Variants in ZCWPW2 observed in about 807,000 individuals in gnomAD.
ZCWPW2 encodes the protein zinc finger CW-type PWWP domain protein 2.
Under a neutral mutation model 46.6 loss-of-function variants are expected in ZCWPW2, and 45 were observed. That is an observed-to-expected ratio of 0.96 (90% CI 0.76 to 1.24). The LOEUF (loss-of-function observed/expected upper bound fraction) is 1.24. Among genes scored for constraint, ZCWPW2 ranks in the 50% most tolerant of loss-of-function variants. ZCWPW2 has a pLI of 0.00. For missense variants in ZCWPW2, 429 were observed against 403.9 expected (o/e 1.06, Z -0.53); for synonymous variants, 152 against 137.1 (o/e 1.11, Z -0.76).
At chr3:28,467,903 AATG>A (rs1287424412) in intron 4 of ZCWPW2, among the ~76,000 whole-genome samples, 1 of 152,156 alleles carries the variant, frequency 6.6e-6, no homozygotes, top group African/African-American at 2.4e-5. Context: ...CTAACTCTTT[AATG>A]CCCAGACACT....
chr3:28,387,847 A>G (rs1336001068), intron 1 of ZCWPW2, among the ~76,000 whole-genome samples: 1 of 152,302 alleles, frequency 6.6e-6, no homozygotes, highest in South Asian at 2.1e-4. Context: ...AGAGTGTGCA[A>G]TAAAGAAGGA....
chr3:28,470,380 C>T (rs1481089198), intron 4 of ZCWPW2, among the ~76,000 whole-genome samples: 2 of 151,606 alleles, frequency 1.3e-5, no homozygotes, highest in Non-Finnish European at 2.9e-5. Flanking sequence ...GCCGGTAATC[C>T]CAGCTATTCG....
At chr3:28,384,366 A>T (rs998572246) in intron 1 of ZCWPW2, among the ~76,000 whole-genome samples, 3 of 152,112 alleles carry the variant, frequency 2.0e-5, no homozygotes, top group Non-Finnish European at 4.4e-5. Flanking sequence ...TTACTAGAAA[A>T]TTTTTTAAAA....
chr3:28,453,549 G>C (rs1490245809), intron 4 of ZCWPW2, among the ~76,000 whole-genome samples: 1 of 151,938 alleles, frequency 6.6e-6, no homozygotes, highest in Non-Finnish European at 1.5e-5. Context: ...TTTTCTAAAA[G>C]TGCTTATTTT....
intron 2 of ZCWPW2, among the ~76,000 whole-genome samples, chr3:28,407,708 A>G (rs1022337390): frequency 6.6e-6 from 1 of 152,192 alleles, no homozygotes; most frequent in South Asian, 2.1e-4. Context: ...TTAAAATTTA[A>G]TATTTTGTTT....
In ZCWPW2 at chr3:28,504,389, T is replaced by A. The variant is rs570420831; in HGVS notation, c.658-9675T>A. Among the ~76,000 whole-genome samples the A allele has an allele frequency of 4.6e-5, 7 of 151,780 alleles. No homozygotes were observed. The South Asian group carries it at 1.5e-3, about 31-fold the overall frequency. On this transcript the variant is annotated intron_variant, in intron 6 of 9. Transcript: ENST00000383768. ...TGTCTATTCCTATGTATGAGAGAGA[T>A]CTTCTTATGCATCACACTGAAGGTA...
At chr3:28,420,534 T>G (rs1175189138) in intron 3 of ZCWPW2, among the ~76,000 whole-genome samples, 1 of 151,956 alleles carries the variant, frequency 6.6e-6, no homozygotes, top group Non-Finnish European at 1.5e-5. Flanking sequence ...CAAATATTTT[T>G]CTCTAATCAC....
intron 2 of ZCWPW2, among the ~76,000 whole-genome samples, chr3:28,401,493 C>G (rs1202433967): frequency 6.6e-6 from 1 of 152,108 alleles, no homozygotes; most frequent in Non-Finnish European, 1.5e-5. Context: ...TAGTGGGGGA[C>G]TTCAGTACTC....
intron 8 of ZCWPW2, among the ~76,000 whole-genome samples, chr3:28,519,457 T>G (rs1215736357): frequency 6.6e-6 from 1 of 152,188 alleles, no homozygotes; most frequent in Non-Finnish European, 1.5e-5. Context: ...AATATAAACT[T>G]AAAGTAGTTT....
chr3:28,355,545 C>A (rs900155196), intron 1 of ZCWPW2, among the ~76,000 whole-genome samples: 55 of 152,300 alleles, frequency 3.6e-4, no homozygotes, highest in Non-Finnish European at 6.2e-4. Context: ...TTGCCAAGTC[C>A]ATCCTAAGCC....
rs1203188437 is a variant in ZCWPW2, at chr3:28,365,865, C to T, written c.-134+16662C>T. Among the ~76,000 whole-genome samples the T allele has an allele frequency of 3.6e-5, 5 of 140,814 alleles. 1 individual carries two copies. The highest frequency in any genetic ancestry group is 1.0e-4 in the African/African-American group (4 of 39,570). The allele number at this position is 140,814 out of a possible 152,430, so 92.4% of individuals were successfully genotyped here. On this transcript the variant is annotated intron_variant, in intron 1 of 9. Transcript: ENST00000383768. ...TTTTCCTTGAAGAGGTCCTTCATCTCCCGTGTAAGTTGGATTCCTAGGTAT... is the reference window on the plus strand; with the variant it reads ...TTTTCCTTGAAGAGGTCCTTCATCTTCCGTGTAAGTTGGATTCCTAGGTAT...
intron 5 of ZCWPW2, among the ~76,000 whole-genome samples, chr3:28,482,094 T>C (rs142282642): frequency 1.3e-5 from 2 of 152,324 alleles, no homozygotes; most frequent in South Asian, 2.1e-4. Context: ...TCCACCATTA[T>C]AGTATCATAT....
chr3:28,509,912 G>T (rs771127407), intron 6 of ZCWPW2, among the ~76,000 whole-genome samples: 9 of 152,016 alleles, frequency 5.9e-5, no homozygotes, highest in Non-Finnish European at 1.0e-4. Flanking sequence ...ATAAAGATTT[G>T]CTCCTGTGTT....
In ZCWPW2 at chr3:28,377,257, T is replaced by C. The variant is rs1199628537; in HGVS notation, c.-133-13241T>C. Among the ~76,000 whole-genome samples, 5 of 152,202 alleles carry C rather than the reference T, an allele frequency of 3.3e-5. No homozygotes were observed. In the East Asian group the frequency reaches 9.6e-4, roughly 29 times the overall value. On this transcript the variant is annotated intron_variant, in intron 1 of 9. Coordinates refer to ENST00000383768, the MANE Select transcript of ZCWPW2 (RefSeq NM_001040432.4). ...ATGCAATTTAAAACTACTTCCATTT[T>C]TACATTCTAATTTTAAAACTTGTGG...
intron 1 of ZCWPW2, among the ~76,000 whole-genome samples, chr3:28,382,873 A>G (rs11918050): frequency 0.28 from 42,497 of 151,952 alleles, 6,151 homozygotes; most frequent in Middle Eastern, 0.33. Context: ...TTAAGAAGTA[A>G]TAGTTGAAGC....
At chr3:28,505,037 T>G (rs1286766260) in intron 6 of ZCWPW2, among the ~76,000 whole-genome samples, 8 of 152,190 alleles carry the variant, frequency 5.3e-5, no homozygotes, top group Non-Finnish European at 7.3e-5. Flanking sequence ...GTCATAGAGC[T>G]CCTTGAAGTT....
chr3:28,458,788 A>G (rs1487179199), intron 4 of ZCWPW2, among the ~76,000 whole-genome samples: 1 of 152,194 alleles, frequency 6.6e-6, no homozygotes, highest in Non-Finnish European at 1.5e-5. Flanking sequence ...CTTAACCTTT[A>G]ACCAGGGTCT....
At chr3:28,372,883 TTC>T (rs1309887239) in intron 1 of ZCWPW2, among the ~76,000 whole-genome samples, 2 of 152,192 alleles carry the variant, frequency 1.3e-5, no homozygotes, top group African/African-American at 4.8e-5. Context: ...GTATTTGATT[TTC>T]TGTTTCAATT....
intron 4 of ZCWPW2, among the ~76,000 whole-genome samples, chr3:28,438,525 A>G (rs1423474248): frequency 6.6e-6 from 1 of 152,216 alleles, no homozygotes; most frequent in African/African-American, 2.4e-5. Flanking sequence ...AAAAAGATAA[A>G]CAAAAACAAT....
Sources: allele counts gnomAD v4.1 joint callset (sites outside exome capture counted in the v4.1 genomes callset), GRCh38; gene constraint gnomAD v4.1.1; transcripts MANE v1.5; gene names NCBI Gene and HGNC (gene_info 2026-07-23, HGNC 2026-07-21).